Variants in EOMES observed in about 807,000 individuals in gnomAD.
EOMES encodes eomesodermin homolog.
EOMES carries 18 observed loss-of-function variants against 61.0 expected under a neutral mutation model. That is an observed-to-expected ratio of 0.30 (90% CI 0.20 to 0.44). The LOEUF is 0.44. EOMES is among the 20% of genes least tolerant of loss of function. The pLI is 1.00. For missense variants in EOMES, 885 were observed against 939.2 expected (o/e 0.94, Z 0.75); for synonymous variants, 430 against 394.0 (o/e 1.09, Z -1.08).
At position 27,721,606 on chromosome 3, in the gene EOMES, G is replaced by C; in HGVS notation, c.689C>G (p.Thr230Ser). 6.5e-7 allele frequency: 1 copy of C among 1,549,528 alleles called. No individual in the cohort carries two copies. The highest frequency in any genetic ancestry group is 1.9e-5 in the Admixed American group (1 of 51,470). ...CGGAGCCCCCTGGCTGTACTGATAG[G>C]TGCCCGGGCCGCCGCCCCCGCCGCT... ...GSSGGGGGPGTYQYSQGAPLY... is the reference protein window; with the variant it reads ...GSSGGGGGPGSYQYSQGAPLY... The change falls in exon 1 of 6, where the codon ACC (threonine) becomes AGC (serine). Residue 230 changes from threonine (T) to serine (S), a missense_variant. Physicochemically the swap from Thr to Ser is moderately conservative, Grantham distance 58. Coordinates refer to ENST00000449599, the MANE Select transcript of EOMES (RefSeq NM_001278182.2). The surrounding 1 kb of genome is among the most constrained non-coding windows in gnomAD (Gnocchi z 7.4).
rs115831208 is a variant in EOMES, at chr3:27,718,017, A to G, written c.1380-209T>C. Among the ~76,000 whole-genome samples, 638 of 152,258 alleles carry G rather than the reference A, an allele frequency of 4.2e-3. 3 individuals carry two copies. The highest frequency in any genetic ancestry group is 0.015 in the African/African-American group (610 of 41,532). On this transcript the variant is annotated intron_variant, in intron 5 of 5. Coordinates refer to ENST00000449599, the MANE Select transcript of EOMES (RefSeq NM_001278182.2). Reference sequence around the variant, plus strand: ...GGGAAAAATTTCCCACCATGCAAGAAAAAGTTTCCTCCTAGGCATCAAGTA... The same window carrying G: ...GGGAAAAATTTCCCACCATGCAAGAGAAAGTTTCCTCCTAGGCATCAAGTA...
At position 27,718,643 on chromosome 3, in the gene EOMES, A is replaced by C. The variant is rs1180875196; in HGVS notation, c.1323T>G (p.Thr441=). The C allele has an allele frequency of 6.2e-7, 1 of 1,613,634 alleles. No homozygotes were observed. Among genetic ancestry groups the C allele is most frequent in the Non-Finnish European group, 8.5e-7 (1 of 1,179,520 alleles). The part of the protein sequence containing the change: ...AVTAYQNTDI[T]QLKIDHNPFA... Reference sequence around the variant, plus strand: ...AGGGGTTATGATCAATCTTTAGTTGAGTAATCTAGATAGGGGAGAAAAACA... The same window carrying C: ...AGGGGTTATGATCAATCTTTAGTTGCGTAATCTAGATAGGGGAGAAAAACA... Residue 441 remains threonine (T), a synonymous_variant, in exon 5 of 6, where the codon ACT becomes ACG. Transcript: ENST00000449599.
At position 27,719,416 on chromosome 3, in the gene EOMES, A is replaced by C; in HGVS notation, c.1102T>G (p.Ser368Ala). 6.2e-7 allele frequency: 1 copy of C among 1,613,488 alleles called. No individual in the cohort carries two copies. Among genetic ancestry groups the C allele is most frequent in the Non-Finnish European group, 8.5e-7 (1 of 1,179,370 alleles). The part of the protein sequence containing the change: ...TGSHWMRQEI[S>A]FGKLKLTNNK... ...TTGGTGAGTTTTAATTTCCCGAATG[A>C]AATCTCCTGTCTCATCCAGTGGGAA... Residue 368 changes from serine (S) to alanine (A), a missense_variant, in exon 3 of 6, where the codon TCA becomes GCA. Transcript: ENST00000449599.
chr3:27,721,806 G>T lies in EOMES; in HGVS notation c.489C>A (p.Phe163Leu). The T allele has an allele frequency of 6.6e-7, 1 of 1,509,028 alleles. No homozygotes were observed. Among genetic ancestry groups the T allele is most frequent in the Non-Finnish European group, 8.8e-7 (1 of 1,140,126 alleles). The allele number at this position is 1,509,028 out of a possible 1,614,324, so 93.5% of individuals were successfully genotyped here. The change falls in exon 1 of 6, where the codon TTC becomes TTA. Residue 163 changes from phenylalanine (F) to leucine (L), a missense_variant. Physicochemically the swap from Phe to Leu is conservative, Grantham distance 22. Coordinates refer to ENST00000449599, the MANE Select transcript of EOMES (RefSeq NM_001278182.2). This position sits in a 1 kb window ranked among gnomAD's most constrained non-coding sequence, Gnocchi z 7.4. ...GSELAAPCSLFPYQAAAGAPH... is the reference protein window; with the variant it reads ...GSELAAPCSLLPYQAAAGAPH... Reference sequence around the variant, plus strand: ...GCGCCCCAGCCGCCGCCTGGTACGGGAAGAGTGAGCAGGGCGCAGCCAGCT... The same window carrying T: ...GCGCCCCAGCCGCCGCCTGGTACGGTAAGAGTGAGCAGGGCGCAGCCAGCT...
Position 27,721,518 on chromosome 3 carries a change from C to T in EOMES, c.777G>A (p.Gly259=). The change falls in exon 1 of 6, where the codon GGG becomes GGA. Residue 259 remains glycine (G), a synonymous_variant. Transcript: ENST00000449599. The surrounding 1 kb of genome is among the most constrained non-coding windows in gnomAD (Gnocchi z 7.4). ...AGSCGGLGGL[G]VPGSGFRAHV... ...GGGCACGGAAGCCAGAACCTGGAAC[C>T]CCCAGGCCCCCCAGTCCTCCGCAAG... The T allele has an allele frequency of 3.1e-6, 5 of 1,611,220 alleles. No homozygotes were observed. Among genetic ancestry groups the T allele is most frequent in the Non-Finnish European group, 4.2e-6 (5 of 1,178,792 alleles).
At chr3:27,719,953 AG>A (rs1266533038) in intron 2 of EOMES, among the ~76,000 whole-genome samples, 1 of 152,142 alleles carries the variant, frequency 6.6e-6, no homozygotes, top group Non-Finnish European at 1.5e-5. Flanking sequence ...TCTTAGTTAA[AG>A]GTTCTAAATA....
chr3:27,721,944 G>C lies in EOMES; in HGVS notation c.351C>G (p.Ala117=). The change falls in exon 1 of 6, where the codon GCC becomes GCG. Residue 117 remains alanine, a synonymous_variant. Transcript: ENST00000449599. This position sits in a 1 kb window ranked among gnomAD's most constrained non-coding sequence, Gnocchi z 7.4. ...CGGCGGCGGCGGCGGCGGCTGCAGC[G>C]GCGGAGGGCAGCTCCTCCTCCCCGC... ...SPCGEEELPS[A]AAAAAAAAAA... 3 of 1,296,242 alleles carry C rather than the reference G, an allele frequency of 2.3e-6. No individual in the cohort carries two copies. Among genetic ancestry groups the C allele is most frequent in the Non-Finnish European group, 3.0e-6 (3 of 1,016,356 alleles). 80.3% of individuals were successfully genotyped at this position (1,296,242 alleles called of 1,614,324 possible). A position where few individuals can be genotyped will look rare whatever the true frequency, so the allele number is the denominator to read the frequency against.
Position 27,721,911 on chromosome 3 carries a change from A to AGCC in EOMES, c.381_383dup (p.Ala130dup). 1 of 1,304,198 alleles carries AGCC rather than the reference A, an allele frequency of 7.7e-7. No homozygotes were observed. Among genetic ancestry groups the AGCC allele is most frequent in the Non-Finnish European group, 9.9e-7 (1 of 1,012,054 alleles). 80.8% of individuals were successfully genotyped at this position (1,304,198 alleles called of 1,614,324 possible). A position where few individuals can be genotyped will look rare whatever the true frequency, so the allele number is the denominator to read the frequency against. The stretch of plus-strand genomic sequence containing the variant: ...CCATGGAGTAGCGCGCAGTGGCCGC[A>AGCC]GCCGCGGCGGCGGCGGCGGCGGCGG... On this transcript the variant is annotated inframe_insertion, in exon 1 of 6. Transcript: ENST00000449599. This position sits in a 1 kb window ranked among gnomAD's most constrained non-coding sequence, Gnocchi z 7.4.
chr3:27,720,973 G>A (rs764626664), intron 1 of EOMES, among the ~76,000 whole-genome samples: 1 of 152,176 alleles, frequency 6.6e-6, no homozygotes, highest in African/African-American at 2.4e-5. Context: ...GAGACGCCCC[G>A]TGGAGACCCT....
Position 27,721,871 on chromosome 3 carries a change from C to G in EOMES, c.424G>C (p.Glu142Gln), listed in dbSNP as rs777212175. ...CCGGGGGACTGGAGGTAGTACCGCTCGGAGCTCAGGCTGTCCATGGAGTAG... is the reference window on the plus strand; with the variant it reads ...CCGGGGGACTGGAGGTAGTACCGCTGGGAGCTCAGGCTGTCCATGGAGTAG... ...ARYSMDSLSS[E>Q]RYYLQSPGPQ... is the part of the protein sequence containing the mutation. The change falls in exon 1 of 6, where the codon GAG (glutamate) becomes CAG (glutamine). Residue 142 changes from glutamate to glutamine, a missense_variant. Around this residue, in one of 3 missense-constraint regions of EOMES, gnomAD observed 449 missense variants for 383.6 expected, o/e 1.17. Coordinates refer to ENST00000449599, the MANE Select transcript of EOMES (RefSeq NM_001278182.2). This position sits in a 1 kb window ranked among gnomAD's most constrained non-coding sequence, Gnocchi z 7.4. 5 of 1,502,148 alleles carry G rather than the reference C, an allele frequency of 3.3e-6. No individual in the cohort carries two copies. In the Admixed American group the frequency reaches 9.7e-5, roughly 29 times the overall value. The allele number at this position is 1,502,148 out of a possible 1,614,324, so 93.1% of individuals were successfully genotyped here. A position where few individuals can be genotyped will look rare whatever the true frequency, so the allele number is the denominator to read the frequency against.
At chr3:27,722,529 A>C, upstream of EOMES, 2 of 1,338,928 alleles carry the variant, frequency 1.5e-6, no homozygotes, top group African/African-American at 1.5e-5. Context: ...GGAGGTGGAA[A>C]CTAACCCAGA....
chr3:27,717,326 T>C lies in EOMES; in HGVS notation c.1862A>G (p.Glu621Gly), dbSNP rs1370347664. The change falls in exon 6 of 6, where the codon GAA becomes GGA. Residue 621 changes from glutamate (E) to glycine (G), a missense_variant. By Grantham distance (98) the Glu-to-Gly change is moderately conservative. Around this residue, in one of 3 missense-constraint regions of EOMES, gnomAD observed 259 missense variants for 282.3 expected, o/e 0.92. Coordinates refer to ENST00000449599, the MANE Select transcript of EOMES (RefSeq NM_001278182.2). The surrounding 1 kb of genome is among the most constrained non-coding windows in gnomAD (Gnocchi z 4.5). ...TSRTSPTVFS[E>G]DQLSKEKVKE... ...CACTTTCTCCTTGGAGAGCTGATCT[T>C]CAGAGAACACAGTGGGGCTTGTTCT... 2 of 1,614,062 alleles carry C rather than the reference T, an allele frequency of 1.2e-6. No homozygotes were observed. The highest frequency in any genetic ancestry group is 1.7e-6 in the Non-Finnish European group (2 of 1,180,020).
Position 27,715,984 on chromosome 3 carries a change from A to G in EOMES, c.*1086T>C, listed in dbSNP as rs947584891. On this transcript the variant is annotated 3_prime_UTR_variant, in exon 6 of 6. Coordinates refer to ENST00000449599, the MANE Select transcript of EOMES (RefSeq NM_001278182.2). ...TACTGAACCACATTTATTAAAAATG[A>G]CTAAGACTGTACATAAAAATCCAAG... 1 of 152,198 alleles carries G rather than the reference A, an allele frequency of 6.6e-6. No homozygotes were observed. Among genetic ancestry groups the G allele is most frequent in the African/African-American group, 2.4e-5 (1 of 41,438 alleles). 9.4% of individuals were successfully genotyped at this position (152,198 alleles called of 1,614,324 possible).
chr3:27,722,085 G>T lies in EOMES; in HGVS notation c.210C>A (p.Ala70=). 1 of 1,548,006 alleles carries T rather than the reference G, an allele frequency of 6.5e-7. No individual in the cohort carries two copies. Residue 70 remains alanine (A), a synonymous_variant, in exon 1 of 6, where the codon GCC becomes GCA. Coordinates refer to ENST00000449599, the MANE Select transcript of EOMES (RefSeq NM_001278182.2). Reference sequence around the variant, plus strand: ...TGGCCGCGGGGGCCCCTGCGCTGGCGGCTGCGGGCTCCCCGCTCACCGCCT... The same window carrying T: ...TGGCCGCGGGGGCCCCTGCGCTGGCTGCTGCGGGCTCCCCGCTCACCGCCT... ...SCEAVSGEPA[A]ASAGAPAAML... is the part of the protein sequence containing the mutation.
In EOMES at chr3:27,717,701, G is replaced by C. The variant is rs137915789; in HGVS notation, c.1487C>G (p.Pro496Arg). Residue 496 changes from proline (P) to arginine (R), a missense_variant, in exon 6 of 6, where the codon CCG becomes CGG. Around this residue, in one of 3 missense-constraint regions of EOMES, gnomAD observed 259 missense variants for 282.3 expected, o/e 0.92. Transcript: ENST00000449599. This position sits in a 1 kb window ranked among gnomAD's most constrained non-coding sequence, Gnocchi z 4.5. Reference protein sequence around the residue: ...GGRYGVQSFFPEPFVNTLPQA... With the variant: ...GGRYGVQSFFREPFVNTLPQA... ...AGGTAAAGTGTTGACAAAGGGCTCC[G>C]GGAAGAAGGATTGAACGCCGTACCG... 3.3e-5 allele frequency: 53 copies of C among 1,613,972 alleles called. No individual in the cohort carries two copies. The highest frequency in any genetic ancestry group is 4.3e-5 in the Non-Finnish European group (51 of 1,179,984).
chr3:27,720,047 A>G (rs1484292894), intron 2 of EOMES, 124 bp downstream of exon 2: 2 of 878,528 alleles, frequency 2.3e-6, no homozygotes, highest in East Asian at 5.1e-5. Flanking sequence ...TCATACTAAC[A>G]CCTCTAGGCC....
In EOMES at chr3:27,721,556, C is replaced by T; in HGVS notation, c.739G>A (p.Ala247Thr). 2 of 1,604,456 alleles carry T rather than the reference C, an allele frequency of 1.2e-6. No homozygotes were observed. The highest frequency in any genetic ancestry group is 1.7e-6 in the Non-Finnish European group (2 of 1,176,150). The change falls in exon 1 of 6, where the codon GCA becomes ACA. Residue 247 changes from alanine (A) to threonine (T), a missense_variant. By Grantham distance (58) the Ala-to-Thr change is moderately conservative. Coordinates refer to ENST00000449599, the MANE Select transcript of EOMES (RefSeq NM_001278182.2). This position sits in a 1 kb window ranked among gnomAD's most constrained non-coding sequence, Gnocchi z 7.4. ...AGTCCTCCGCAAGATCCCGCCGCTG[C>T]GGCTCCAGGGTACGGCCCGTAGAGC... The part of the protein sequence containing the change: ...APLYGPYPGA[A>T]AAGSCGGLGG...
At position 27,716,275 on chromosome 3, in the gene EOMES, T is replaced by C. The variant is rs879071482; in HGVS notation, c.*795A>G. On this transcript the variant is annotated 3_prime_UTR_variant, in exon 6 of 6. Coordinates refer to ENST00000449599, the MANE Select transcript of EOMES (RefSeq NM_001278182.2). Reference sequence around the variant, plus strand: ...ATTCTTTACAAAGCCAAAGCACCAGTTTTACATTATCCCAGACACCTATGT... The same window carrying C: ...ATTCTTTACAAAGCCAAAGCACCAGCTTTACATTATCCCAGACACCTATGT... The C allele has an allele frequency of 6.6e-6, 1 of 152,188 alleles. No homozygotes were observed. Among genetic ancestry groups the C allele is most frequent in the South Asian group, 2.1e-4 (1 of 4,826 alleles). 9.4% of individuals were successfully genotyped at this position (152,188 alleles called of 1,614,324 possible).
In EOMES at chr3:27,719,349, T is replaced by C. The variant is rs1343694495; in HGVS notation, c.1158+11A>G. On this transcript the variant is annotated intron_variant, in intron 3 of 5. Coordinates refer to ENST00000449599, the MANE Select transcript of EOMES (RefSeq NM_001278182.2). The stretch of plus-strand genomic sequence containing the variant: ...AGCCAGAAGATATCCCCTCCTGCTC[T>C]GTCACTCTACCTGGGTGTTGTTGTT... 1.9e-6 allele frequency: 3 copies of C among 1,613,852 alleles called. No homozygotes were observed. The highest frequency in any genetic ancestry group is 2.5e-6 in the Non-Finnish European group (3 of 1,179,856).
Sources: allele counts gnomAD v4.1 joint callset (sites outside exome capture counted in the v4.1 genomes callset), GRCh38; gene constraint gnomAD v4.1.1; regional missense constraint gnomAD v4.1.1; non-coding constraint Gnocchi (gnomAD v3.1); transcripts MANE v1.5; gene names NCBI Gene and HGNC (gene_info 2026-07-23, HGNC 2026-07-21).